KLHL1: variants seen among roughly 807,000 people sequenced by gnomAD.
KLHL1 encodes the protein kelch-like protein 1.
In KLHL1, 47 loss-of-function variants were observed where a neutral mutation model predicts 77.7. The observed-to-expected ratio is 0.60, with a 90% CI of 0.48 to 0.77. The LOEUF is 0.77. Among genes scored for constraint, KLHL1 ranks in the 30% least tolerant of loss-of-function variants. The probability of loss-of-function intolerance (pLI) is 0.00; values close to 1 mark genes in which losing one functional copy is unlikely to be tolerated. For synonymous variants in KLHL1, 360 were observed against 325.2 expected, an observed-to-expected ratio of 1.11 and a Z score of -1.15; for missense variants, 925 against 910.8, an observed-to-expected ratio of 1.02 and a Z score of -0.20.
chr13:69,962,250 AT>A (rs957128288), intron 2 of KLHL1, among the ~76,000 whole-genome samples: 4 of 151,534 alleles, frequency 2.6e-5, no homozygotes, highest in African/African-American at 9.7e-5. Flanking sequence ...TTTTTATTCT[AT>A]TTTTGTTGGT....
intron 8 of KLHL1, among the ~76,000 whole-genome samples, chr13:69,729,399 G>A (rs560864427): frequency 1.3e-5 from 2 of 152,028 alleles, no homozygotes; most frequent in Non-Finnish European, 2.9e-5. Flanking sequence ...CTAAACTTAA[G>A]ATAAGTGTTC....
At chr13:70,069,614 C>G (rs1473030935) in intron 1 of KLHL1, among the ~76,000 whole-genome samples, 1 of 151,922 alleles carries the variant, frequency 6.6e-6, no homozygotes, top group African/African-American at 2.4e-5. Flanking sequence ...ATAATATAAG[C>G]ACAGTGAAGG....
chr13:69,755,476 T>C (rs919828294), intron 7 of KLHL1, among the ~76,000 whole-genome samples: 2 of 152,044 alleles, frequency 1.3e-5, no homozygotes, highest in Non-Finnish European at 1.5e-5. Flanking sequence ...CACAGGAACA[T>C]TGCACAATTT....
In KLHL1 at chr13:69,830,269, AT is replaced by A. The variant is rs1265749407; in HGVS notation, c.1414+8706del. ...GAGTGGAAAAAGATATTCCATGCAA[AT>A]GGACACCAAAAGTGAACAGGAGTAG... On this transcript the variant is annotated intron_variant, in intron 6 of 10. Coordinates refer to ENST00000377844, the MANE Select transcript of KLHL1 (RefSeq NM_020866.3). Among the ~76,000 whole-genome samples, 3 of 150,402 alleles carry A rather than the reference AT, an allele frequency of 2.0e-5. No homozygotes were observed. The South Asian group carries it at 6.3e-4, about 31-fold the overall frequency.
intron 1 of KLHL1, among the ~76,000 whole-genome samples, chr13:70,085,701 T>C (rs1239802570): frequency 6.6e-6 from 1 of 151,848 alleles, no homozygotes; most frequent in East Asian, 1.9e-4. Context: ...CTGTCTCTAT[T>C]AAAACTACAA....
At chr13:70,031,184 G>A (rs1478675244) in intron 1 of KLHL1, among the ~76,000 whole-genome samples, 1 of 152,176 alleles carries the variant, frequency 6.6e-6, no homozygotes. Context: ...GCAGAAATGG[G>A]AGTGCTGCAA....
chr13:69,892,596 T>C (rs1881464045), intron 4 of KLHL1, among the ~76,000 whole-genome samples: 2 of 151,276 alleles, frequency 1.3e-5, no homozygotes, highest in Non-Finnish European at 2.9e-5. Flanking sequence ...GTTTATACCC[T>C]AACTTCTCAG....
chr13:69,780,127 T>A (rs1394567897), intron 7 of KLHL1, among the ~76,000 whole-genome samples: 1 of 152,120 alleles, frequency 6.6e-6, no homozygotes, highest in Non-Finnish European at 1.5e-5. Flanking sequence ...ATTTTATCAA[T>A]CAGATATCCA....
intron 5 of KLHL1, among the ~76,000 whole-genome samples, chr13:69,850,117 G>T (rs901524911): frequency 1.3e-4 from 19 of 151,366 alleles, no homozygotes; most frequent in Non-Finnish European, 2.4e-4. Context: ...TCACTGCAAG[G>T]TGATTTGACC....
intron 7 of KLHL1, among the ~76,000 whole-genome samples, chr13:69,767,122 T>C (rs747794703): frequency 6.6e-6 from 1 of 151,966 alleles, no homozygotes; most frequent in Non-Finnish European, 1.5e-5. Context: ...TAATTATTGC[T>C]ATATTTATTA....
intron 4 of KLHL1, among the ~76,000 whole-genome samples, chr13:69,922,598 A>G (rs1293053443): frequency 6.6e-6 from 1 of 152,186 alleles, no homozygotes; most frequent in Non-Finnish European, 1.5e-5. Flanking sequence ...ATAAAATGTT[A>G]TTTCATTTTC....
rs1029727630 is a variant in KLHL1 at position 69,701,457 on chromosome 13, C to A, written c.*245G>T. On this transcript the variant is annotated 3_prime_UTR_variant, in exon 11 of 11. Transcript: ENST00000377844. ...AGTTATTGTATGCTATAATACAAAA[C>A]AAATTACCAATAACCATTCCCGAAC... 4 of 408,994 alleles carry A rather than the reference C, an allele frequency of 9.8e-6. No homozygotes were observed. The highest frequency in any genetic ancestry group is 2.1e-5 in the African/African-American group (1 of 47,376). The allele number at this position is 408,994 out of a possible 1,614,324, so 25.3% of individuals were successfully genotyped here.
At chr13:69,948,967 T>C (rs1424282214) in intron 3 of KLHL1, among the ~76,000 whole-genome samples, 1 of 151,920 alleles carries the variant, frequency 6.6e-6, no homozygotes, top group African/African-American at 2.4e-5. Context: ...AATTCAAACC[T>C]CAAAATTGAC....
rs560444877 is a variant in KLHL1 at position 70,006,688 on chromosome 13, G to A, written c.498-30886C>T. Among the ~76,000 whole-genome samples the A allele has an allele frequency of 6.5e-4, 98 of 151,662 alleles. 1 individual carries two copies. The South Asian group carries it at 0.013, about 21-fold the overall frequency. The stretch of plus-strand genomic sequence containing the variant: ...TGAATGTTTCTCTCATGGACATGTC[G>A]GGGTTATTACCAGTTTTAGGGAGAA... On this transcript the variant is annotated intron_variant, in intron 1 of 10. Transcript: ENST00000377844.
At position 69,918,041 on chromosome 13, in the gene KLHL1, G is replaced by A. The variant is rs865778850; in HGVS notation, c.1014+21999C>T. 2.6e-5 allele frequency among the ~76,000 whole-genome samples: 4 copies of A among 152,114 alleles called. No homozygotes were observed. In the Middle Eastern group the frequency reaches 0.014, roughly 517 times the overall value. ...CCACACTTGCTATTTTGATCAAAAA[G>A]GCCAAATAACTTGCAGAATTTACAT... is the stretch of plus-strand genomic sequence containing the variant. On this transcript the variant is annotated intron_variant, in intron 4 of 10. Transcript: ENST00000377844.
At chr13:69,937,057 G>T (rs1247088341) in intron 4 of KLHL1, among the ~76,000 whole-genome samples, 1 of 152,148 alleles carries the variant, frequency 6.6e-6, no homozygotes, top group Admixed American at 6.6e-5. Flanking sequence ...TCTAGAGAAA[G>T]GATTGCTGGA....
At chr13:69,839,276 G>T (rs1299584830) in intron 5 of KLHL1, 114 bp from the exon 6 acceptor site, 4 of 629,828 alleles carry the variant, frequency 6.4e-6, no homozygotes, top group Non-Finnish European at 7.8e-6. Flanking sequence ...TGAGCAGGAT[G>T]CAGGGTGTAG....
chr13:69,726,567 T>C (rs927745087), intron 8 of KLHL1, among the ~76,000 whole-genome samples: 4 of 152,200 alleles, frequency 2.6e-5, no homozygotes, highest in African/African-American at 7.2e-5. Context: ...GCTACTATTA[T>C]AACACACAGC....
intron 6 of KLHL1, among the ~76,000 whole-genome samples, chr13:69,802,758 G>T (rs1877445303): frequency 6.6e-6 from 1 of 151,908 alleles, no homozygotes; most frequent in Admixed American, 6.6e-5. Flanking sequence ...CCTTAAAAAG[G>T]ACAGGAATTG....
Sources: gnomAD v4.1 joint callset for allele counts (sites outside exome capture counted in the v4.1 genomes callset) on GRCh38, gnomAD v4.1.1 for gene constraint, MANE v1.5 for transcripts, NCBI Gene and HGNC (gene_info 2026-07-23, HGNC 2026-07-21) for gene names.